CACNB2: variants seen among roughly 807,000 people sequenced by gnomAD.
CACNB2 encodes the protein voltage-dependent L-type calcium channel subunit beta-2.
Under a neutral mutation model 73.3 loss-of-function variants are expected in CACNB2, and 42 were observed. The ratio of observed to expected loss-of-function variants is 0.57; its 90% CI spans 0.45 to 0.74. The LOEUF (loss-of-function observed/expected upper bound fraction) is 0.74, where lower values mean the gene tolerates loss of function less well. Ranked by LOEUF, CACNB2 falls within the 30% of genes least tolerant of loss-of-function variation. The probability of loss-of-function intolerance (pLI) is 0.00; values close to 1 mark genes in which losing one functional copy is unlikely to be tolerated. For synonymous variants in CACNB2, 348 were observed against 310.3 expected, an observed-to-expected ratio of 1.12 and a Z score of -1.28; for missense variants, 940 against 853.0, an observed-to-expected ratio of 1.10 and a Z score of -1.27.
chr10:18,513,559 ATTG>A, intron 6 of CACNB2: 2 of 392,908 alleles, frequency 5.1e-6, no homozygotes, highest in South Asian at 4.0e-5. Flanking sequence ...GGCCAAATGC[ATTG>A]TTGATATTGC....
chr10:18,406,388 G>C (rs1180324959), intron 3 of CACNB2, among the ~76,000 whole-genome samples: 1 of 152,200 alleles, frequency 6.6e-6, no homozygotes, highest in Admixed American at 6.5e-5. Flanking sequence ...GTGAACAGCA[G>C]CAGCCAGACA....
At chr10:18,262,828 A>C (rs2037616939) in intron 2 of CACNB2, among the ~76,000 whole-genome samples, 2 of 152,174 alleles carry the variant, frequency 1.3e-5, no homozygotes, top group African/African-American at 2.4e-5. Context: ...CAAAGCAACA[A>C]ATTTTTACCC....
At chr10:18,536,881 A>G (rs1246119565) in intron 12 of CACNB2, among the ~76,000 whole-genome samples, 1 of 152,238 alleles carries the variant, frequency 6.6e-6, no homozygotes, top group African/African-American at 2.4e-5. Flanking sequence ...ACTGTCTGAG[A>G]CATTTATTTT....
intron 2 of CACNB2, among the ~76,000 whole-genome samples, chr10:18,238,898 A>G (rs1400541336): frequency 6.6e-6 from 1 of 152,188 alleles, no homozygotes; most frequent in Non-Finnish European, 1.5e-5. Context: ...AAAAGACCTG[A>G]TTCGATTATT....
rs7079776 is a variant in CACNB2, at chr10:18,541,740, T to C, written c.*2016T>C. The stretch of plus-strand genomic sequence containing the variant: ...AGCCAGGTGTGGTGGTGCACACCTG[T>C]AATCCCAGCTACTTGGGAGGCTGAG... On this transcript the variant is annotated 3_prime_UTR_variant, in exon 14 of 14. Transcript: ENST00000324631. 111,293 of 151,840 alleles carry C rather than the reference T, an allele frequency of 0.73. 41,045 individuals carry two copies. The highest frequency in any genetic ancestry group is 0.97 in the East Asian group (4,972 of 5,136). The allele number at this position is 151,840 out of a possible 1,614,324, so 9.4% of individuals were successfully genotyped here.
chr10:18,480,087 G>T (rs888755675), intron 3 of CACNB2, among the ~76,000 whole-genome samples: 4 of 152,042 alleles, frequency 2.6e-5, no homozygotes, highest in Admixed American at 2.0e-4. Flanking sequence ...TTATGACTTT[G>T]GTTCTGATGA....
chr10:18,314,122 A>G (rs935128653), intron 2 of CACNB2, among the ~76,000 whole-genome samples: 2 of 152,184 alleles, frequency 1.3e-5, no homozygotes, highest in Non-Finnish European at 2.9e-5. Context: ...ACACGTATAC[A>G]TGGATTTTAT....
At chr10:18,286,517 CAAAAAAAAAAAAAA>C (rs770589594) in intron 2 of CACNB2, among the ~76,000 whole-genome samples, 5,884 of 57,680 alleles carry the variant, frequency 0.1, 197 homozygotes, top group African/African-American at 0.16. Context: ...GATTCTGTCT[CAAAAAAAAAAAAAA>C]AAAAAAAAAA....
At chr10:18,144,716 T>C (rs1288699969) in intron 1 of CACNB2, among the ~76,000 whole-genome samples, 1 of 152,228 alleles carries the variant, frequency 6.6e-6, no homozygotes, top group Non-Finnish European at 1.5e-5. Flanking sequence ...TCTTCATTAG[T>C]AAATTTTAAA....
At chr10:18,235,558 A>T (rs1480384991) in intron 2 of CACNB2, among the ~76,000 whole-genome samples, 3 of 152,192 alleles carry the variant, frequency 2.0e-5, no homozygotes, top group Non-Finnish European at 4.4e-5. Flanking sequence ...TTTCCAAGAG[A>T]CAGAAGGGGT....
At chr10:18,154,329 T>G (rs1181412277) in intron 2 of CACNB2, among the ~76,000 whole-genome samples, 2 of 149,214 alleles carry the variant, frequency 1.3e-5, no homozygotes, top group African/African-American at 4.9e-5. Flanking sequence ...TATCAGAGAG[T>G]TTGTTAAGGA....
At chr10:18,223,849 CT>C (rs1319886085) in intron 2 of CACNB2, among the ~76,000 whole-genome samples, 2 of 152,116 alleles carry the variant, frequency 1.3e-5, no homozygotes, top group African/African-American at 4.8e-5. Flanking sequence ...CTTTGTGTTG[CT>C]TTTCCCCCCA....
In CACNB2 at chr10:18,282,770, T is replaced by A. The variant is rs140752420; in HGVS notation, c.214-119154T>A. On this transcript the variant is annotated intron_variant, in intron 2 of 13. Coordinates refer to ENST00000324631, the MANE Select transcript of CACNB2 (RefSeq NM_201596.3). ...TATTAGTCCATTTCCACACTGCTGA[T>A]AAAGACAGTCCCTAGACTGGGTAAT... is the stretch of plus-strand genomic sequence containing the variant. Among the ~76,000 whole-genome samples, 652 of 152,262 alleles carry A rather than the reference T, an allele frequency of 4.3e-3. 4 individuals carry two copies. Among genetic ancestry groups the A allele is most frequent in the African/African-American group, 0.015 (625 of 41,554 alleles).
intron 2 of CACNB2, among the ~76,000 whole-genome samples, chr10:18,215,949 T>C (rs1238139236): frequency 6.6e-6 from 1 of 152,142 alleles, no homozygotes; most frequent in East Asian, 1.9e-4. Flanking sequence ...TGTAGACTTT[T>C]AGAATCCTTG....
intron 3 of CACNB2, among the ~76,000 whole-genome samples, chr10:18,462,753 TTTTATTTTTA>T (rs1412967260): frequency 6.6e-6 from 1 of 151,858 alleles, no homozygotes; most frequent in Non-Finnish European, 1.5e-5. Flanking sequence ...GTATTTTATT[TTTTATTTTTA>T]TTTATTTATT....
chr10:18,400,831 C>T, intron 2 of CACNB2: 1 of 1,455,968 alleles, frequency 6.9e-7, no homozygotes, highest in Non-Finnish European at 9.0e-7. Context: ...TCAGCCCCTC[C>T]TGGAATGGGA....
chr10:18,272,662 T>C (rs1436805306), intron 2 of CACNB2, among the ~76,000 whole-genome samples: 2 of 152,098 alleles, frequency 1.3e-5, no homozygotes, highest in African/African-American at 4.8e-5. Context: ...TTACAATATC[T>C]GATGGTTTTA....
chr10:18,525,607 A>G (rs1237661940), intron 9 of CACNB2, among the ~76,000 whole-genome samples: 1 of 152,078 alleles, frequency 6.6e-6, no homozygotes, highest in African/African-American at 2.4e-5. Flanking sequence ...TCATAAAAAT[A>G]TGTCTTGGTG....
chr10:18,377,648 A>G (rs568787299), intron 2 of CACNB2, among the ~76,000 whole-genome samples: 73 of 152,376 alleles, frequency 4.8e-4, no homozygotes, highest in African/African-American at 1.7e-3. Flanking sequence ...CTCAAGAACC[A>G]TACAAAGAGG....
Sources: allele counts gnomAD v4.1 joint callset (sites outside exome capture counted in the v4.1 genomes callset), GRCh38; gene constraint gnomAD v4.1.1; transcripts MANE v1.5; gene names NCBI Gene and HGNC (gene_info 2026-07-23, HGNC 2026-07-21).